Variants in MFN2 observed in about 807,000 individuals in gnomAD.
MFN2 encodes mitofusin 2, also known as mitofusin-2.
A neutral mutation model predicts 87.5 loss-of-function variants in MFN2; 43 were observed. The observed-to-expected ratio is 0.49, with a 90% CI of 0.38 to 0.63. MFN2 has a LOEUF of 0.63. Among genes scored for constraint, MFN2 ranks in the 30% least tolerant of loss-of-function variants. MFN2 has a pLI of 0.00. For missense variants in MFN2, 743 were observed against 972.8 expected, an observed-to-expected ratio of 0.76 and a Z score of 3.14; for synonymous variants, 337 against 359.9, an observed-to-expected ratio of 0.94 and a Z score of 0.72.
intron 5 of MFN2, among the ~76,000 whole-genome samples, chr1:11,996,843 G>C (rs776965118): frequency 7.9e-5 from 12 of 152,122 alleles, no homozygotes; most frequent in Non-Finnish European, 1.5e-4. Context: ...TTCAAGACCA[G>C]CCTGGCCAAC....
chr1:11,993,874 T>G (rs114615598), intron 4 of MFN2, among the ~76,000 whole-genome samples: 375 of 152,354 alleles, frequency 2.5e-3, no homozygotes, highest in Non-Finnish European at 3.5e-3. Context: ...TGAAACATTT[T>G]AAATACAAAT....
Position 11,989,344 on chromosome 1 carries a change from G to GT in MFN2, c.175+2dup. 6.2e-7 allele frequency: 1 copy of GT among 1,613,800 alleles called. No individual in the cohort carries two copies. Among genetic ancestry groups the GT allele is most frequent in the Non-Finnish European group, 8.5e-7 (1 of 1,179,942 alleles). ...CAGGAGAGCGCCACCTTCCTTGAAG[G>GT]TAAGGGGGCACCGGCTCAGCCAGGC... On this transcript the variant is annotated splice_donor_variant, in intron 3 of 18. Transcript: ENST00000235329. LOFTEE classifies it high-confidence loss of function.
chr1:11,986,782 G>T (rs1166385910), intron 2 of MFN2, among the ~76,000 whole-genome samples: 1 of 151,770 alleles, frequency 6.6e-6, no homozygotes, highest in Non-Finnish European at 1.5e-5. Flanking sequence ...GCAGAGAAGG[G>T]GTTTCACCAT....
At chr1:12,006,810 T>C in intron 16 of MFN2, 117 bp downstream of exon 16, 1 of 1,455,822 alleles carries the variant, frequency 6.9e-7, no homozygotes, top group African/African-American at 1.4e-5. Flanking sequence ...CACTGCATAC[T>C]TTCTCCTCTG....
In MFN2 at chr1:11,999,201, A is replaced by C. The variant is rs1639066316; in HGVS notation, c.816+106A>C. ...TGGATCTAGTGACTTCCCTGAATTAATTTTATTGCCAAAGAATTCTCCAAA... is the reference window on the plus strand; with the variant it reads ...TGGATCTAGTGACTTCCCTGAATTACTTTTATTGCCAAAGAATTCTCCAAA... On this transcript the variant is annotated intron_variant, in intron 8 of 18. Coordinates refer to ENST00000235329, the MANE Select transcript of MFN2 (RefSeq NM_014874.4). 6.6e-6 allele frequency: 6 copies of C among 911,182 alleles called. 1 individual carries two copies. In the Admixed American group the frequency reaches 7.4e-5, roughly 11 times the overall value. The allele number at this position is 911,182 out of a possible 1,614,324, so 56.4% of individuals were successfully genotyped here. A position where few individuals can be genotyped will look rare whatever the true frequency, so the allele number is the denominator to read the frequency against.
Position 12,006,597 on chromosome 1 carries a change from C to A in MFN2, c.1776C>A (p.Gly592=), listed in dbSNP as rs1252122892. ...CCAGCATGCCCCCACTGCCACAGGG[C>A]TCGCTCACCCAGGAGGAGTTCATGG... The part of the protein sequence containing the change: ...ANPSMPPLPQ[G]SLTQEEFMVS... Residue 592 remains glycine (G), a synonymous_variant, in exon 16 of 19, where the codon GGC becomes GGA. Coordinates refer to ENST00000235329, the MANE Select transcript of MFN2 (RefSeq NM_014874.4). The A allele has an allele frequency of 6.2e-7, 1 of 1,614,256 alleles. No homozygotes were observed. Among genetic ancestry groups the A allele is most frequent in the South Asian group, 1.1e-5 (1 of 91,092 alleles).
At chr1:11,996,674 G>T (rs1638920891) in intron 5 of MFN2, among the ~76,000 whole-genome samples, 1 of 152,156 alleles carries the variant, frequency 6.6e-6, no homozygotes. Flanking sequence ...ATCAGTCAGG[G>T]ACCGACACTC....
At chr1:11,983,570 T>C (rs1228845489) in intron 2 of MFN2, among the ~76,000 whole-genome samples, 2 of 152,192 alleles carry the variant, frequency 1.3e-5, no homozygotes, top group African/African-American at 4.8e-5. Context: ...AGCTGGGCTC[T>C]CAGGCTATGC....
rs1272586584 is a variant in MFN2, at chr1:12,004,454, A to G, written c.1288-55A>G. The G allele has an allele frequency of 1.4e-6, 2 of 1,448,410 alleles. No individual in the cohort carries two copies. Among genetic ancestry groups the G allele is most frequent in the East Asian group, 4.5e-5 (2 of 44,080 alleles). 89.7% of individuals were successfully genotyped at this position (1,448,410 alleles called of 1,614,324 possible). A position where few individuals can be genotyped will look rare whatever the true frequency, so the allele number is the denominator to read the frequency against. On this transcript the variant is annotated intron_variant, in intron 12 of 18. Transcript: ENST00000235329. This position sits in a 1 kb window ranked among gnomAD's most constrained non-coding sequence, Gnocchi z 4.2. ...CTGCTAGGATCTCTCCTGGTGCTGC[A>G]GGAGTGAACTTTGGTCTTCCTTGAT...
At chr1:11,989,739 T>TA (rs1277562684) in intron 3 of MFN2, among the ~76,000 whole-genome samples, 3 of 152,310 alleles carry the variant, frequency 2.0e-5, no homozygotes, top group African/African-American at 7.2e-5. Context: ...CTGCCATTAA[T>TA]ACCAGGCACT....
chr1:12,010,932 A>G (rs1413282454), intron 18 of MFN2, among the ~76,000 whole-genome samples: 7 of 152,162 alleles, frequency 4.6e-5, no homozygotes, highest in African/African-American at 1.7e-4. Context: ...CAGAGTCTGC[A>G]GGGTGGCAGA....
At chr1:11,987,968 T>TA in intron 2 of MFN2, among the ~76,000 whole-genome samples, 1 of 152,072 alleles carries the variant, frequency 6.6e-6, no homozygotes, top group Non-Finnish European at 1.5e-5. Flanking sequence ...AATAAATAAG[T>TA]AAATAAAATG....
At position 12,004,702 on chromosome 1, in the gene MFN2, G is replaced by A. The variant is rs1639326274; in HGVS notation, c.1392+89G>A. On this transcript the variant is annotated intron_variant, in intron 13 of 18. Coordinates refer to ENST00000235329, the MANE Select transcript of MFN2 (RefSeq NM_014874.4). This position sits in a 1 kb window ranked among gnomAD's most constrained non-coding sequence, Gnocchi z 4.2. ...GTCTGGGTCAGGGCCCCCCAGCAGT[G>A]ACAGTAGAAGCCACAGAGACAAGGC... The A allele has an allele frequency of 6.7e-7, 1 of 1,502,866 alleles. No individual in the cohort carries two copies. The highest frequency in any genetic ancestry group is 1.4e-5 in the African/African-American group (1 of 72,786). The allele number at this position is 1,502,866 out of a possible 1,614,324, so 93.1% of individuals were successfully genotyped here.
At chr1:11,987,628 T>TA (rs1638474038) in intron 2 of MFN2, among the ~76,000 whole-genome samples, 1 of 29,348 alleles carries the variant, frequency 3.4e-5, no homozygotes. Flanking sequence ...AGACTCTGTC[T>TA]CAGAAAAAAA....
Position 12,009,745 on chromosome 1 carries a change from G to A in MFN2, c.2204+19G>A. On this transcript the variant is annotated intron_variant, in intron 18 of 18. Coordinates refer to ENST00000235329, the MANE Select transcript of MFN2 (RefSeq NM_014874.4). The stretch of plus-strand genomic sequence containing the variant: ...TGCTCAGGTGAGGCTGGCCCGTGTG[G>A]CCAAAGGTTAGGGCTCCAGGGTGCA... 3 of 1,614,082 alleles carry A rather than the reference G, an allele frequency of 1.9e-6. No homozygotes were observed. The highest frequency in any genetic ancestry group is 2.5e-6 in the Non-Finnish European group (3 of 1,180,002).
In MFN2 at chr1:12,011,163, C is replaced by T. The variant is rs1027534524; in HGVS notation, c.2205-333C>T. On this transcript the variant is annotated intron_variant, in intron 18 of 18. Transcript: ENST00000235329. ...ACACAGCTGAACCTGGAAAGGGTCT[C>T]CTGTCAGCACCTCAACCCCTTGCTT... 7.7e-4 allele frequency among the ~76,000 whole-genome samples: 118 copies of T among 152,308 alleles called. 1 individual carries two copies. The highest frequency in any genetic ancestry group is 2.7e-3 in the African/African-American group (112 of 41,572).
At chr1:11,996,120 C>G in intron 4 of MFN2, 36 bp from the exon 5 acceptor site, 4 of 1,613,878 alleles carry the variant, frequency 2.5e-6, no homozygotes, top group Non-Finnish European at 3.4e-6. Context: ...AGGTCAGATA[C>G]TGGTGGCTTT....
In MFN2 at chr1:11,992,701, G is replaced by C. The variant is rs531228679; in HGVS notation, c.311+11G>C. On this transcript the variant is annotated intron_variant, in intron 4 of 18. Coordinates refer to ENST00000235329, the MANE Select transcript of MFN2 (RefSeq NM_014874.4). ...GGCTTTTTTTGGCCGGTAAGTCCTT[G>C]AGGCACCCACCCTTTCTTTCTTCCT... The C allele has an allele frequency of 6.2e-6, 10 of 1,614,202 alleles. No individual in the cohort carries two copies. The highest frequency in any genetic ancestry group is 7.6e-6 in the Non-Finnish European group (9 of 1,180,046).
At chr1:11,991,216 T>G (rs1033799199) in intron 3 of MFN2, among the ~76,000 whole-genome samples, 9 of 152,152 alleles carry the variant, frequency 5.9e-5, no homozygotes, top group Non-Finnish European at 1.0e-4. Flanking sequence ...AGCAAACATT[T>G]GTGCACCTGC....
Sources: gnomAD v4.1 joint callset for allele counts (sites outside exome capture counted in the v4.1 genomes callset) on GRCh38, gnomAD v4.1.1 for gene constraint, Gnocchi (gnomAD v3.1) non-coding constraint, MANE v1.5 for transcripts, NCBI Gene and HGNC (gene_info 2026-07-23, HGNC 2026-07-21) for gene names.